KRT84: variants seen among roughly 807,000 people sequenced by gnomAD.
The protein encoded by KRT84 is keratin 84.
A neutral mutation model predicts 49.0 loss-of-function variants in KRT84; 38 were observed. That is an observed-to-expected ratio of 0.78 (90% confidence interval 0.60 to 1.02). KRT84 has a LOEUF of 1.02. Among genes scored for constraint, KRT84 ranks in the 50% least tolerant of loss-of-function variants. The probability of loss-of-function intolerance (pLI) is 0.00; values close to 1 mark genes in which losing one functional copy is unlikely to be tolerated. For missense variants in KRT84, 860 were observed against 788.6 expected, an observed-to-expected ratio of 1.09 and a Z score of -1.08; for synonymous variants, 334 against 312.8, an observed-to-expected ratio of 1.07 and a Z score of -0.72.
Position 52,381,415 on chromosome 12 carries a change from A to G in KRT84, c.1023T>C (p.Tyr341=), listed in dbSNP as rs751070892. 1 of 1,614,094 alleles carries G rather than the reference A, an allele frequency of 6.2e-7. No homozygotes were observed. The highest frequency in any genetic ancestry group is 1.1e-5 in the South Asian group (1 of 91,064). The change falls in exon 5 of 9, where the codon TAT becomes TAC. Residue 341 remains tyrosine, a synonymous_variant. Transcript: ENST00000257951. ...CCCGGCTGCGCCTGGCCACCTCCTCATACTGGGCCTTGACCTCAGCAATGA... is the reference window on the plus strand; with the variant it reads ...CCCGGCTGCGCCTGGCCACCTCCTCGTACTGGGCCTTGACCTCAGCAATGA... The part of the protein sequence containing the change: ...DGIIAEVKAQ[Y]EEVARRSRAD...
At chr12:52,384,951 A>G (rs1440903201) in intron 1 of KRT84, 89 bp downstream of exon 1, 12 of 1,352,674 alleles carry the variant, frequency 8.9e-6, no homozygotes, top group South Asian at 4.2e-5. Flanking sequence ...AGTCCCCAGA[A>G]CCGGGCCAGT....
Position 52,378,097 on chromosome 12 carries a change from G to A in KRT84, c.1740C>T (p.Ser580=), listed in dbSNP as rs747518975. Residue 580 remains serine, a synonymous_variant, in exon 9 of 9, where the codon AGC becomes AGT. Coordinates refer to ENST00000257951, the MANE Select transcript of KRT84 (RefSeq NM_033045.4). ...AGCGGACGCTGGAGCTGCGGCCGCCGCTGCAGCTGCTGAAGCCCCCCTGGG... is the reference window on the plus strand; with the variant it reads ...AGCGGACGCTGGAGCTGCGGCCGCCACTGCAGCTGCTGAAGCCCCCCTGGG... ...LPTQGGFSSC[S]GGRSSSVRFV... is the part of the protein sequence containing the mutation. 1.8e-5 allele frequency: 27 copies of A among 1,506,614 alleles called. No individual in the cohort carries two copies. The highest frequency in any genetic ancestry group is 4.3e-5 in the African/African-American group (3 of 70,130). The allele number at this position is 1,506,614 out of a possible 1,614,324, so 93.3% of individuals were successfully genotyped here. A position where few individuals can be genotyped will look rare whatever the true frequency, so the allele number is the denominator to read the frequency against.
rs1254311925 is a variant in KRT84 at position 52,385,565 on chromosome 12, T to G, written c.21A>C (p.Arg7=). 1.9e-6 allele frequency: 3 copies of G among 1,613,484 alleles called. No individual in the cohort carries two copies. In the African/African-American group the frequency reaches 4.0e-5, roughly 22 times the overall value. Residue 7 remains arginine (R), a synonymous_variant, in exon 1 of 9, where the codon CGA becomes CGC. Coordinates refer to ENST00000257951, the MANE Select transcript of KRT84 (RefSeq NM_033045.4). ...TGCCCACCCGGTGACCAGAGCTGAC[T>G]CGGTAGGAGCGGCAAGACATGATGG... is the stretch of plus-strand genomic sequence containing the variant. MSCRSY[R]VSSGHRVGNF...
At chr12:52,382,673 T>C in intron 3 of KRT84, 141 bp from the exon 4 acceptor site, 1 of 671,660 alleles carries the variant, frequency 1.5e-6, no homozygotes, top group Non-Finnish European at 2.6e-6. Context: ...TCAGCAACTT[T>C]TGCTCATTTC....
At chr12:52,382,163 G>A (rs1939494783) in intron 4 of KRT84, among the ~76,000 whole-genome samples, 1 of 152,184 alleles carries the variant, frequency 6.6e-6, no homozygotes, top group Non-Finnish European at 1.5e-5. Context: ...TCAGTACACA[G>A]GAAGTGACAT....
At chr12:52,379,984 C>G (rs1415641878) in intron 7 of KRT84, 77 bp from the exon 8 acceptor site, 2 of 1,304,564 alleles carry the variant, frequency 1.5e-6, no homozygotes, top group Admixed American at 1.7e-5. Context: ...AAAGGGCTTT[C>G]TTGTTTGAGT....
chr12:52,382,519 G>A lies in KRT84; in HGVS notation c.830C>T (p.Ala277Val), dbSNP rs1386077254. 6 of 1,613,378 alleles carry A rather than the reference G, an allele frequency of 3.7e-6. No individual in the cohort carries two copies. The highest frequency in any genetic ancestry group is 5.1e-6 in the Non-Finnish European group (6 of 1,179,328). Residue 277 changes from alanine (A) to valine (V), a missense_variant, in exon 4 of 9, where the codon GCT becomes GTT. Coordinates refer to ENST00000257951, the MANE Select transcript of KRT84 (RefSeq NM_033045.4). ...CTCGAGATCAGACTTGTTCATGAAA[G>A]CTGCATCCACATCCTGTATAAAACA... ...FVALKKDVDA[A>V]FMNKSDLEAN...
In KRT84 at chr12:52,380,465, A is replaced by T. The variant is rs1308478306; in HGVS notation, c.1322T>A (p.Met441Lys). Residue 441 changes from methionine (M) to lysine (K), a missense_variant, in exon 7 of 9, where the codon ATG (methionine) becomes AAG (lysine). By Grantham distance (95) the Met-to-Lys change is moderately conservative. Coordinates refer to ENST00000257951, the MANE Select transcript of KRT84 (RefSeq NM_033045.4). ...CTGGTACTCGCACAGCTGCCGCGCC[A>T]TGTCCTGCTTGGCCTGCTGCAGGGC... ...ECALQQAKQD[M>K]ARQLCEYQEL... is the part of the protein sequence containing the mutation. 6.2e-7 allele frequency: 1 copy of T among 1,614,164 alleles called. No homozygotes were observed. Among genetic ancestry groups the T allele is most frequent in the South Asian group, 1.1e-5 (1 of 91,086 alleles).
At chr12:52,379,791 G>T in intron 8 of KRT84, 85 bp downstream of exon 8, 2 of 1,121,056 alleles carry the variant, frequency 1.8e-6, no homozygotes, top group Non-Finnish European at 1.4e-6. Flanking sequence ...CATGTCGGAC[G>T]CCTCCTGACC....
intron 8 of KRT84, among the ~76,000 whole-genome samples, chr12:52,379,446 TG>T (rs1259775907): frequency 6.6e-6 from 1 of 152,234 alleles, no homozygotes; most frequent in African/African-American, 2.4e-5. Flanking sequence ...CTGCGTGCTT[TG>T]GGTACAACCC....
intron 1 of KRT84, 143 bp downstream of exon 1, chr12:52,384,897 A>T: frequency 1.1e-6 from 1 of 872,054 alleles, no homozygotes; most frequent in Admixed American, 2.3e-5. Context: ...AAAGCATACC[A>T]CAATGCCTGA....
At chr12:52,382,382 G>A in intron 4 of KRT84, 55 bp downstream of exon 4, 2 of 1,162,350 alleles carry the variant, frequency 1.7e-6, no homozygotes, top group East Asian at 2.4e-5. Flanking sequence ...AGCATTCAGG[G>A]AGTCCAGGCC....
upstream of KRT84, chr12:52,385,770 T>C: frequency 1.6e-6 from 1 of 617,490 alleles, no homozygotes; most frequent in Non-Finnish European, 2.8e-6. Context: ...GCAGAAACTC[T>C]GCATGCCTAT....
intron 1 of KRT84, 61 bp downstream of exon 1, chr12:52,384,979 G>T: frequency 6.7e-7 from 1 of 1,497,754 alleles, no homozygotes; most frequent in Non-Finnish European, 9.0e-7. Flanking sequence ...AAGGGAAAGA[G>T]CACTCTAGCG....
Position 52,385,519 on chromosome 12 carries a change from T to C in KRT84, c.67A>G (p.Met23Val). Residue 23 changes from methionine (M) to valine (V), a missense_variant, in exon 1 of 9, where the codon ATG (methionine) becomes GTG (valine). By Grantham distance (21) the Met-to-Val change is conservative (BLOSUM62 1). Transcript: ENST00000257951. ...RVGNFSSCSA[M>V]TPQNLNRFRA... ...AAGCGATTCAGGTTCTGTGGTGTCA[T>C]TGCTGAACAAGAGCTGAAGTTGCCC... is the stretch of plus-strand genomic sequence containing the variant. The C allele has an allele frequency of 6.2e-7, 1 of 1,614,204 alleles. No homozygotes were observed.
At chr12:52,378,465 GGTGGGGAGGGA>G (rs11273756) in intron 8 of KRT84, 85 bp from the exon 9 acceptor site, 228,479 of 1,065,918 alleles carry the variant, frequency 0.21, 29,951 homozygotes, top group African/African-American at 0.56. Context: ...CTCCGGGTCT[GGTGGGGAGGGA>G]GTGGGGTCAG....
chr12:52,380,701 C>T, intron 6 of KRT84, 118 bp from the exon 7 acceptor site: 1 of 1,060,572 alleles, frequency 9.4e-7, no homozygotes, highest in Non-Finnish European at 1.3e-6. Context: ...GGGATGGACC[C>T]CATGGTGGCT....
chr12:52,378,785 T>G (rs1273223615), intron 8 of KRT84, among the ~76,000 whole-genome samples: 1 of 152,196 alleles, frequency 6.6e-6, no homozygotes, highest in Non-Finnish European at 1.5e-5. Context: ...TGCCCCTTGG[T>G]GGTCTCCATA....
In KRT84 at chr12:52,381,131, C is replaced by G. The variant is rs760406540; in HGVS notation, c.1152G>C (p.Leu384=). The change falls in exon 6 of 9, where the codon CTG becomes CTC. Residue 384 remains leucine, a synonymous_variant. Coordinates refer to ENST00000257951, the MANE Select transcript of KRT84 (RefSeq NM_033045.4). ...LRNIRNEINE[L]TRLIQRLKAE... is the part of the protein sequence containing the mutation. The stretch of plus-strand genomic sequence containing the variant: ...CCTTAAGCCTCTGGATCAGGCGGGT[C>G]AGTTCGTTGATCTCGTTCCGTATGT... 2.4e-5 allele frequency: 38 copies of G among 1,614,038 alleles called. No homozygotes were observed. The highest frequency in any genetic ancestry group is 1.7e-5 in the Non-Finnish European group (20 of 1,180,042).
Sources: gnomAD v4.1 joint callset for allele counts (sites outside exome capture counted in the v4.1 genomes callset) on GRCh38, gnomAD v4.1.1 for gene constraint, MANE v1.5 for transcripts, NCBI Gene and HGNC (gene_info 2026-07-23, HGNC 2026-07-21) for gene names.